Variants in SSBP3 observed in about 807,000 individuals in gnomAD.
The protein encoded by SSBP3 is single-stranded DNA-binding protein 3.
A neutral mutation model predicts 69.6 loss-of-function variants in SSBP3; 5 were observed. That is an observed-to-expected ratio of 0.07 (90% CI 0.04 to 0.15). The LOEUF is 0.15. Among genes scored for constraint, SSBP3 ranks in the 10% least tolerant of loss-of-function variants. SSBP3 has a pLI of 1.00. For missense variants in SSBP3, 312 were observed against 534.0 expected, an observed-to-expected ratio of 0.58 and a Z score of 4.10; for synonymous variants, 196 against 193.4, an observed-to-expected ratio of 1.01 and a Z score of -0.11.
chr1:54,241,529 G>A lies in SSBP3; in HGVS notation c.766-20C>T. On this transcript the variant is annotated intron_variant, in intron 11 of 17. Transcript: ENST00000610401. Reference sequence around the variant, plus strand: ...TGGAATCTAAAAACAAGATGTCAGGGAGCCCCACGTCAGAGTCACTGAGTG... The same window carrying A: ...TGGAATCTAAAAACAAGATGTCAGGAAGCCCCACGTCAGAGTCACTGAGTG... The A allele has an allele frequency of 1.9e-6, 3 of 1,613,608 alleles. No individual in the cohort carries two copies. Among genetic ancestry groups the A allele is most frequent in the Non-Finnish European group, 2.5e-6 (3 of 1,179,838 alleles).
At chr1:54,227,183 G>GGC (rs759632663) in intron 17 of SSBP3, 23 bp from the exon 18 acceptor site, 3 of 1,158,312 alleles carry the variant, frequency 2.6e-6, no homozygotes, top group Admixed American at 1.8e-5. Context: ...AGCAGAGAAG[G>GGC]GGGGGGGGTG....
intron 1 of SSBP3, among the ~76,000 whole-genome samples, chr1:54,411,695 A>C (rs557158436): frequency 2.6e-5 from 4 of 151,836 alleles, no homozygotes; most frequent in Non-Finnish European, 5.9e-5. Flanking sequence ...AATCGAGACC[A>C]TCCTGGCTAA....
intron 4 of SSBP3, among the ~76,000 whole-genome samples, chr1:54,309,418 G>A (rs920597280): frequency 6.6e-6 from 1 of 152,212 alleles, no homozygotes; most frequent in Non-Finnish European, 1.5e-5. Context: ...GACAACATCG[G>A]CATCCCTTCT....
chr1:54,253,324 T>C (rs1644865291), intron 7 of SSBP3, among the ~76,000 whole-genome samples: 1 of 151,722 alleles, frequency 6.6e-6, no homozygotes, highest in African/African-American at 2.4e-5. Context: ...TCCCAAGAGC[T>C]GGGACTACAG....
At chr1:54,334,535 T>C (rs1646475773) in intron 4 of SSBP3, among the ~76,000 whole-genome samples, 1 of 152,134 alleles carries the variant, frequency 6.6e-6, no homozygotes, top group Admixed American at 6.5e-5. Flanking sequence ...TGACCTGGAT[T>C]ACAGTTGGTC....
chr1:54,361,474 C>G (rs1646950953), intron 4 of SSBP3, among the ~76,000 whole-genome samples: 1 of 152,094 alleles, frequency 6.6e-6, no homozygotes, highest in Non-Finnish European at 1.5e-5. Flanking sequence ...CAGATGAACC[C>G]CACACGCACT....
chr1:54,405,033 C>G (rs983655953), intron 1 of SSBP3, 103 bp from the exon 2 acceptor site: 159 of 1,007,112 alleles, frequency 1.6e-4, no homozygotes, highest in Non-Finnish European at 2.2e-4. Context: ...TCTGCGCCGT[C>G]CCATTGTGGC....
At chr1:54,237,834 C>T (rs145486972) in intron 14 of SSBP3, 22 of 300,340 alleles carry the variant, frequency 7.3e-5, no homozygotes, top group South Asian at 2.6e-4. Context: ...ATGACTGCAG[C>T]GTGCGGAGTT....
At chr1:54,281,696 C>T (rs1038816980) in intron 4 of SSBP3, among the ~76,000 whole-genome samples, 169 bp from the exon 5 acceptor site, 3 of 152,154 alleles carry the variant, frequency 2.0e-5, no homozygotes, top group Non-Finnish European at 4.4e-5. Context: ...TGTCATGTTC[C>T]CACTGACAGG....
At chr1:54,345,986 C>CAAAAAAAAAAA (rs74870023) in intron 4 of SSBP3, among the ~76,000 whole-genome samples, 2 of 134,386 alleles carry the variant, frequency 1.5e-5, no homozygotes. Context: ...CACAAAAATA[C>CAAAAAAAAAAA]AAAAAAAAAA....
intron 4 of SSBP3, among the ~76,000 whole-genome samples, chr1:54,384,997 T>C (rs923357583): frequency 6.6e-6 from 1 of 152,094 alleles, no homozygotes; most frequent in Non-Finnish European, 1.5e-5. Flanking sequence ...CCTGTCCACG[T>C]CTCCAGAGTA....
At chr1:54,367,073 T>C (rs1278033461) in intron 4 of SSBP3, among the ~76,000 whole-genome samples, 2 of 152,216 alleles carry the variant, frequency 1.3e-5, no homozygotes, top group Admixed American at 1.3e-4. Context: ...TCTGATACAG[T>C]GCCACGCATA....
upstream of SSBP3, among the ~76,000 whole-genome samples, chr1:54,410,562 C>T (rs778185280): frequency 1.1e-4 from 17 of 152,234 alleles, no homozygotes; most frequent in African/African-American, 3.6e-4. Context: ...TAGAATTGCA[C>T]GGGGATACCT....
chr1:54,343,941 C>A (rs939407660), intron 4 of SSBP3, among the ~76,000 whole-genome samples: 2 of 152,150 alleles, frequency 1.3e-5, no homozygotes, highest in African/African-American at 4.8e-5. Context: ...AGAGGACATG[C>A]AACTCAAGAA....
chr1:54,258,556 C>T lies in SSBP3; in HGVS notation c.367-407G>A, dbSNP rs12083428. On this transcript the variant is annotated intron_variant, in intron 5 of 17. Coordinates refer to ENST00000610401, the Ensembl canonical transcript of SSBP3. This position sits in a 1 kb window ranked among gnomAD's most constrained non-coding sequence, Gnocchi z 4.5. Reference sequence around the variant, plus strand: ...GCAAAGCACGTAGGTGCCGCTTGCACGGGAGGTGGGGAAAGATCGGGAAGG... The same window carrying T: ...GCAAAGCACGTAGGTGCCGCTTGCATGGGAGGTGGGGAAAGATCGGGAAGG... 0.018 allele frequency among the ~76,000 whole-genome samples: 2,780 copies of T among 152,180 alleles called. 91 individuals carry two copies. Among genetic ancestry groups the T allele is most frequent in the African/African-American group, 0.063 (2,628 of 41,490 alleles).
At chr1:54,370,017 T>A (rs928800703) in intron 4 of SSBP3, among the ~76,000 whole-genome samples, 1 of 152,170 alleles carries the variant, frequency 6.6e-6, no homozygotes, top group Non-Finnish European at 1.5e-5. Context: ...GTTTTCCTCC[T>A]CTAAGCTTCC....
chr1:54,271,127 C>T (rs9662034), intron 5 of SSBP3, among the ~76,000 whole-genome samples: 88,602 of 152,006 alleles, frequency 0.58, 26,161 homozygotes, highest in South Asian at 0.72. Context: ...TGAGTTTCTT[C>T]TGAGACAGGG....
intron 4 of SSBP3, among the ~76,000 whole-genome samples, chr1:54,339,336 C>T (rs1646565929): frequency 6.6e-6 from 1 of 152,210 alleles, no homozygotes; most frequent in Admixed American, 6.5e-5. Flanking sequence ...TTGGCAGACA[C>T]ACATTCTCAG....
intron 4 of SSBP3, among the ~76,000 whole-genome samples, chr1:54,343,446 C>T (rs2100536453): frequency 6.6e-6 from 1 of 152,282 alleles, no homozygotes; most frequent in East Asian, 1.9e-4. Context: ...ATAATCAAAC[C>T]ACACGGTGAC....
Sources: gnomAD v4.1 joint callset for allele counts (sites outside exome capture counted in the v4.1 genomes callset) on GRCh38, gnomAD v4.1.1 for gene constraint, Gnocchi (gnomAD v3.1) non-coding constraint, MANE v1.5 for transcripts, NCBI Gene and HGNC (gene_info 2026-07-23, HGNC 2026-07-21) for gene names.